RALGAPA2: variants seen among roughly 807,000 people sequenced by gnomAD.
The protein encoded by RALGAPA2 is Ral GTPase activating protein catalytic subunit alpha 2.
RALGAPA2 carries 139 observed loss-of-function variants against 230.4 expected under a neutral mutation model. The ratio of observed to expected loss-of-function variants is 0.60; its 90% confidence interval spans 0.53 to 0.69. The LOEUF (loss-of-function observed/expected upper bound fraction) is 0.69. Ranked by LOEUF, RALGAPA2 falls within the 30% of genes least tolerant of loss-of-function variation. The pLI is 0.00. For missense variants in RALGAPA2, 2,163 were observed against 2,276.0 expected (o/e 0.95, Z 1.01); for synonymous variants, 847 against 837.8 (o/e 1.01, Z -0.19).
chr20:20,437,227 G>A lies in RALGAPA2; in HGVS notation c.5496-25079C>T, dbSNP rs184909945. On this transcript the variant is annotated intron_variant, in intron 37 of 39. Transcript: ENST00000202677. This position sits in a 1 kb window ranked among gnomAD's most constrained non-coding sequence, Gnocchi z 4.1. ...CTGGCAACCACAAACCACTCTGAAC[G>A]TCCTGAAGACCGCCTGGTCACTGAG... Among the ~76,000 whole-genome samples the A allele has an allele frequency of 2.6e-5, 4 of 152,264 alleles. No individual in the cohort carries two copies. The highest frequency in any genetic ancestry group is 3.9e-4 in the East Asian group (2 of 5,188).
intron 33 of RALGAPA2, among the ~76,000 whole-genome samples, chr20:20,510,400 A>G (rs1474358773): frequency 1.3e-5 from 2 of 152,244 alleles, no homozygotes; most frequent in Non-Finnish European, 2.9e-5. Context: ...GTTAATGAGT[A>G]GTAAGAAAAA....
chr20:20,453,254 A>T (rs1049606781), intron 37 of RALGAPA2, among the ~76,000 whole-genome samples: 1 of 152,250 alleles, frequency 6.6e-6, no homozygotes, highest in African/African-American at 2.4e-5. Context: ...CCAAGAGGAC[A>T]GCTCCAAGCA....
chr20:20,640,948 G>T, intron 5 of RALGAPA2, 70 bp from the exon 6 acceptor site: 1 of 1,346,708 alleles, frequency 7.4e-7, no homozygotes, highest in Non-Finnish European at 1.0e-6. Flanking sequence ...ATGTAGCATC[G>T]GTCTTGAGAA....
chr20:20,494,722 T>C (rs995974021), intron 36 of RALGAPA2, among the ~76,000 whole-genome samples: 10 of 152,232 alleles, frequency 6.6e-5, no homozygotes, highest in Non-Finnish European at 5.9e-5. Flanking sequence ...CAAGGCTGGA[T>C]TCCATACCCA....
At chr20:20,425,743 T>C (rs1238085731) in intron 37 of RALGAPA2, among the ~76,000 whole-genome samples, 1 of 152,132 alleles carries the variant, frequency 6.6e-6, no homozygotes, top group Non-Finnish European at 1.5e-5. Context: ...TGAAACTCAA[T>C]ACACCCCACA....
At chr20:20,571,366 T>C in intron 23 of RALGAPA2, 92 bp downstream of exon 23, 1 of 1,319,896 alleles carries the variant, frequency 7.6e-7, no homozygotes, top group Non-Finnish European at 1.0e-6. Flanking sequence ...TCAACACTTC[T>C]GATGTATTTT....
At chr20:20,451,345 G>A (rs1482952090) in intron 37 of RALGAPA2, among the ~76,000 whole-genome samples, 1 of 152,072 alleles carries the variant, frequency 6.6e-6, no homozygotes, top group East Asian at 1.9e-4. Context: ...TCAATTCTGA[G>A]TGTCTAGCCT....
At chr20:20,666,794 G>C (rs2067969463) in intron 3 of RALGAPA2, among the ~76,000 whole-genome samples, 2 of 152,102 alleles carry the variant, frequency 1.3e-5, no homozygotes, top group Non-Finnish European at 2.9e-5. Context: ...CTGTTGACTT[G>C]CCTAGAATTC....
In RALGAPA2 at chr20:20,643,499, T is replaced by G. The variant is rs1279060922; in HGVS notation, c.372+7A>C. ...TAAAAAATGTCATTACACAATAAAA[T>G]AAATACCTTAATAGAATTTCCAGTG... On this transcript the variant is annotated splice_region_variant and intron_variant, in intron 5 of 39. Transcript: ENST00000202677. 9 of 1,469,388 alleles carry G rather than the reference T, an allele frequency of 6.1e-6. No homozygotes were observed. Among genetic ancestry groups the G allele is most frequent in the Non-Finnish European group, 8.2e-6 (9 of 1,091,666 alleles). The allele number at this position is 1,469,388 out of a possible 1,614,324, so 91.0% of individuals were successfully genotyped here. A position where few individuals can be genotyped will look rare whatever the true frequency, so the allele number is the denominator to read the frequency against.
intron 15 of RALGAPA2, 126 bp downstream of exon 15, chr20:20,605,048 AT>A: frequency 1.4e-6 from 1 of 727,082 alleles, no homozygotes; most frequent in South Asian, 1.8e-5. Context: ...TAATGCCACT[AT>A]TAAGAAGACA....
intron 23 of RALGAPA2, 99 bp from the exon 24 acceptor site, chr20:20,546,931 A>G: frequency 1.6e-6 from 2 of 1,224,530 alleles, no homozygotes; most frequent in Admixed American, 3.7e-5. Context: ...ATAATAATCC[A>G]AGAGAGCACA....
chr20:20,588,670 G>A (rs1251089476), intron 18 of RALGAPA2, among the ~76,000 whole-genome samples: 1 of 152,148 alleles, frequency 6.6e-6, no homozygotes, highest in Non-Finnish European at 1.5e-5. Context: ...ATGGGTTATT[G>A]TCCAGTGGGA....
At chr20:20,395,044 G>A (rs1278040692) in intron 39 of RALGAPA2, among the ~76,000 whole-genome samples, 4 of 152,212 alleles carry the variant, frequency 2.6e-5, no homozygotes, top group African/African-American at 4.8e-5. Flanking sequence ...GGGAAAGAGG[G>A]GTGCACCTCG....
At chr20:20,512,240 T>TACACACACACAC (rs370439645) in intron 32 of RALGAPA2, among the ~76,000 whole-genome samples, 1 of 138,352 alleles carries the variant, frequency 7.2e-6, no homozygotes, top group African/African-American at 2.7e-5. Flanking sequence ...CACACACACA[T>TACACACACACAC]ACACACACAC....
At chr20:20,625,323 C>T (rs2066459656) in intron 10 of RALGAPA2, among the ~76,000 whole-genome samples, 1 of 152,154 alleles carries the variant, frequency 6.6e-6, no homozygotes, top group African/African-American at 2.4e-5. Context: ...TATAGAAAGA[C>T]CAGACTTTCT....
At chr20:20,477,751 A>G (rs2061684986) in intron 36 of RALGAPA2, among the ~76,000 whole-genome samples, 1 of 152,064 alleles carries the variant, frequency 6.6e-6, no homozygotes, top group Non-Finnish European at 1.5e-5. Flanking sequence ...AAGCCCAGCT[A>G]ATTTTTTTGT....
chr20:20,479,356 C>T (rs867658974), intron 36 of RALGAPA2, among the ~76,000 whole-genome samples: 2 of 152,176 alleles, frequency 1.3e-5, no homozygotes, highest in South Asian at 4.1e-4. Flanking sequence ...AAATGAGGGG[C>T]CAATCTCACT....
chr20:20,535,923 CATCTATGAGTGAGAG>C, intron 25 of RALGAPA2, 120 bp from the exon 26 acceptor site: 1 of 1,390,644 alleles, frequency 7.2e-7, no homozygotes, highest in Non-Finnish European at 9.4e-7. Context: ...TCAGAGAGCT[CATCTATGAGTGAGAG>C]CCTGGGGGGA....
chr20:20,398,952 GTAAACAGA>G lies in RALGAPA2; in HGVS notation c.5618-2226_5618-2219del, dbSNP rs1223131970. Among the ~76,000 whole-genome samples, 1 of 152,206 alleles carries G rather than the reference GTAAACAGA, an allele frequency of 6.6e-6. No homozygotes were observed. The highest frequency in any genetic ancestry group is 1.5e-5 in the Non-Finnish European group (1 of 68,040). On this transcript the variant is annotated intron_variant, in intron 38 of 39. Transcript: ENST00000202677. This position sits in a 1 kb window ranked among gnomAD's most constrained non-coding sequence, Gnocchi z 4.5. Reference sequence around the variant, plus strand: ...TACAGCACAGGTCTAAGTACTGTAAGTAAACAGATACACAGTGTTTCTGTGGTGTTTCA... The same window carrying G: ...TACAGCACAGGTCTAAGTACTGTAAGTACACAGTGTTTCTGTGGTGTTTCA...
Sources: gnomAD v4.1 joint callset for allele counts (sites outside exome capture counted in the v4.1 genomes callset) on GRCh38, gnomAD v4.1.1 for gene constraint, Gnocchi (gnomAD v3.1) non-coding constraint, MANE v1.5 for transcripts, NCBI Gene and HGNC (gene_info 2026-07-23, HGNC 2026-07-21) for gene names.